TRPC4AP: variants seen among roughly 807,000 people sequenced by gnomAD.
TRPC4AP encodes short transient receptor potential channel 4-associated protein.
Under a neutral mutation model 99.0 loss-of-function variants are expected in TRPC4AP, and 45 were observed. That is an observed-to-expected ratio of 0.45 (90% CI 0.36 to 0.58). The LOEUF (loss-of-function observed/expected upper bound fraction) is 0.58. TRPC4AP is among the 20% of genes least tolerant of loss of function. The probability of loss-of-function intolerance (pLI) is 0.00; values close to 1 mark genes in which losing one functional copy is unlikely to be tolerated. For synonymous variants in TRPC4AP, 408 were observed against 385.8 expected, an observed-to-expected ratio of 1.06 and a Z score of -0.67; for missense variants, 879 against 985.3, an observed-to-expected ratio of 0.89 and a Z score of 1.44.
intron 8 of TRPC4AP, among the ~76,000 whole-genome samples, chr20:35,028,344 G>A (rs1288289109): frequency 1.3e-5 from 2 of 151,530 alleles, no homozygotes; most frequent in East Asian, 1.9e-4. Flanking sequence ...CCGCCTCCTC[G>A]GCCTCCCAAA....
intron 5 of TRPC4AP, among the ~76,000 whole-genome samples, chr20:35,052,080 A>T (rs2083713511): frequency 1.3e-5 from 2 of 150,252 alleles, no homozygotes; most frequent in Admixed American, 1.3e-4. Context: ...TGTAACATTC[A>T]TCATAGGTTT....
rs2082441785 is a variant in TRPC4AP, at chr20:35,003,511, T to G, written c.2155A>C (p.Lys719Gln). The G allele has an allele frequency of 6.2e-7, 1 of 1,613,920 alleles. No homozygotes were observed. The highest frequency in any genetic ancestry group is 1.3e-5 in the African/African-American group (1 of 74,926). The change falls in exon 18 of 19, where the codon AAG becomes CAG. Residue 719 changes from lysine to glutamine, a missense_variant. Lys to Gln is a moderately conservative substitution (Grantham distance 53). Around this residue, in one of 3 missense-constraint regions of TRPC4AP, gnomAD observed 224 missense variants for 264.7 expected, o/e 0.85. Coordinates refer to ENST00000252015, the MANE Select transcript of TRPC4AP (RefSeq NM_015638.3). ...LRLLQRMEHS[K>Q]KYPGFLLNNF... ...TTGAGCAGGAAGCCGGGGTACTTCT[T>G]GCTGTGCTCCATCCGCTGCAGCAGC... is the stretch of plus-strand genomic sequence containing the variant.
At chr20:35,087,649 A>G (rs1042770965) in intron 1 of TRPC4AP, among the ~76,000 whole-genome samples, 1 of 152,178 alleles carries the variant, frequency 6.6e-6, no homozygotes, top group Non-Finnish European at 1.5e-5. Context: ...TGATTCTATC[A>G]ACTGCAATGA....
intron 3 of TRPC4AP, among the ~76,000 whole-genome samples, chr20:35,063,202 G>A (rs1403877092): frequency 6.6e-6 from 1 of 152,210 alleles, no homozygotes; most frequent in Non-Finnish European, 1.5e-5. Flanking sequence ...GAAGGTGCCT[G>A]CTTCTCCTTT....
intron 8 of TRPC4AP, chr20:35,030,309 A>G (rs1040356213): frequency 1.3e-5 from 2 of 151,692 alleles, no homozygotes; most frequent in African/African-American, 2.4e-5. Context: ...TTTTTTTAAA[A>G]ATTAGAAATA....
chr20:35,049,866 C>A lies in TRPC4AP; in HGVS notation c.657G>T (p.Lys219Asn). 1 of 1,612,432 alleles carries A rather than the reference C, an allele frequency of 6.2e-7. No individual in the cohort carries two copies. The highest frequency in any genetic ancestry group is 8.5e-7 in the Non-Finnish European group (1 of 1,179,128). ...TLIEDILGVK[K>N]EMIRLDEVPN... ...TGGTCAGCTAGAGGACACAGCTCAC[C>A]TTTTTAACACCCAAAATATCTTCAA... The change falls in exon 6 of 19, where the codon AAG becomes AAT. Residue 219 changes from lysine (K) to asparagine (N), a missense_variant and splice_region_variant. By Grantham distance (94) the Lys-to-Asn change is moderately conservative. Around this residue, in one of 3 missense-constraint regions of TRPC4AP, gnomAD observed 603 missense variants for 631.8 expected, o/e 0.95. Coordinates refer to ENST00000252015, the MANE Select transcript of TRPC4AP (RefSeq NM_015638.3).
intron 13 of TRPC4AP, among the ~76,000 whole-genome samples, 163 bp downstream of exon 13, chr20:35,008,501 G>A (rs547540003): frequency 2.0e-5 from 3 of 152,264 alleles, no homozygotes; most frequent in South Asian, 2.1e-4. Context: ...CATACCTGTC[G>A]AGTCAAAACT....
intron 11 of TRPC4AP, among the ~76,000 whole-genome samples, chr20:35,011,460 A>C (rs545993637): frequency 6.6e-6 from 1 of 152,306 alleles, no homozygotes; most frequent in South Asian, 2.1e-4. Flanking sequence ...TTCTTGAAAT[A>C]CATTCTGAGC....
chr20:35,002,447 T>A lies in TRPC4AP; in HGVS notation c.*699A>T, dbSNP rs1458526186. The stretch of plus-strand genomic sequence containing the variant: ...TATTTAATAGTCTCCATTTAATTGG[T>A]TTATTTGCTGTTAATAAATTGGCAA... On this transcript the variant is annotated 3_prime_UTR_variant, in exon 19 of 19. Coordinates refer to ENST00000252015, the MANE Select transcript of TRPC4AP (RefSeq NM_015638.3). 7.7e-6 allele frequency: 3 copies of A among 388,806 alleles called. 1 individual carries two copies. The highest frequency in any genetic ancestry group is 1.4e-5 in the Non-Finnish European group (3 of 220,906). 24.1% of individuals were successfully genotyped at this position (388,806 alleles called of 1,614,324 possible).
chr20:35,015,984 T>C, intron 10 of TRPC4AP, 24 bp downstream of exon 10: 1 of 1,613,880 alleles, frequency 6.2e-7, no homozygotes, highest in Non-Finnish European at 8.5e-7. Context: ...AGGCCCCATC[T>C]GTCCCCGGGG....
intron 8 of TRPC4AP, among the ~76,000 whole-genome samples, chr20:35,027,019 T>G (rs2083047605): frequency 6.6e-6 from 1 of 150,436 alleles, no homozygotes; most frequent in African/African-American, 2.5e-5. Context: ...TTTTCTAATT[T>G]GCATGCCTTT....
intron 9 of TRPC4AP, among the ~76,000 whole-genome samples, chr20:35,017,818 T>C (rs756072064): frequency 6.6e-6 from 1 of 152,210 alleles, no homozygotes; most frequent in Non-Finnish European, 1.5e-5. Flanking sequence ...CTGAAAGTAA[T>C]AGAGGTGACT....
chr20:35,087,019 G>A (rs571955106), intron 1 of TRPC4AP, among the ~76,000 whole-genome samples: 3 of 148,952 alleles, frequency 2.0e-5, no homozygotes, highest in South Asian at 2.1e-4. Flanking sequence ...GCAACAGCAC[G>A]AGACTCCATC....
chr20:35,007,722 T>C (rs13045538), intron 13 of TRPC4AP, 82 bp from the exon 14 acceptor site: 44,077 of 1,419,890 alleles, frequency 0.031, 803 homozygotes, highest in Non-Finnish European at 0.038. Context: ...TGGGAGATGT[T>C]TGTTGCCTTT....
intron 1 of TRPC4AP, among the ~76,000 whole-genome samples, 187 bp from the exon 2 acceptor site, chr20:35,078,361 TAAG>T (rs1485476443): frequency 1.3e-5 from 2 of 152,144 alleles, no homozygotes; most frequent in Non-Finnish European, 2.9e-5. Context: ...TATGTTATAA[TAAG>T]AAGGAGGGAT....
At chr20:35,013,141 T>C (rs889679686) in intron 10 of TRPC4AP, 75 bp from the exon 11 acceptor site, 4 of 1,416,794 alleles carry the variant, frequency 2.8e-6, no homozygotes, top group Non-Finnish European at 4.0e-6. Context: ...GACACTCTGG[T>C]GGGAGCCTGC....
At position 35,003,506 on chromosome 20, in the gene TRPC4AP, C is replaced by T; in HGVS notation, c.2160G>A (p.Lys720=). The change falls in exon 18 of 19, where the codon AAG becomes AAA. Residue 720 remains lysine, a synonymous_variant. Transcript: ENST00000252015. ...AGTTGTTGAGCAGGAAGCCGGGGTA[C>T]TTCTTGCTGTGCTCCATCCGCTGCA... ...RLLQRMEHSK[K]YPGFLLNNFH... 3.7e-6 allele frequency: 6 copies of T among 1,614,078 alleles called. No homozygotes were observed. Among genetic ancestry groups the T allele is most frequent in the East Asian group, 2.2e-5 (1 of 44,874 alleles).
At chr20:35,082,973 A>T (rs1600664727) in intron 1 of TRPC4AP, among the ~76,000 whole-genome samples, 1 of 152,216 alleles carries the variant, frequency 6.6e-6, no homozygotes. Flanking sequence ...GATCAGGAAC[A>T]TGCTACTTCT....
At chr20:35,088,572 G>C (rs935014688) in intron 1 of TRPC4AP, among the ~76,000 whole-genome samples, 2 of 152,174 alleles carry the variant, frequency 1.3e-5, no homozygotes, top group African/African-American at 4.8e-5. Context: ...ATTCCTATAT[G>C]CCACACTGGC....
Sources: allele counts gnomAD v4.1 joint callset (sites outside exome capture counted in the v4.1 genomes callset), GRCh38; gene constraint gnomAD v4.1.1; regional missense constraint gnomAD v4.1.1; transcripts MANE v1.5; gene names NCBI Gene and HGNC (gene_info 2026-07-23, HGNC 2026-07-21).